The following FSTL4 variants were observed in gnomAD, a reference collection of about 807,000 sequenced individuals.
FSTL4 encodes the protein follistatin like 4.
In FSTL4, 28 loss-of-function variants were observed where a neutral mutation model predicts 78.2. That is an observed-to-expected ratio of 0.36 (90% confidence interval 0.27 to 0.49). FSTL4 has a LOEUF of 0.49. FSTL4 is among the 20% of genes least tolerant of loss of function. The pLI, the probability that FSTL4 is intolerant of heterozygous loss-of-function variation, is 0.98. For synonymous variants in FSTL4, 422 were observed against 440.5 expected (o/e 0.96, Z 0.53); for missense variants, 922 against 1,084.9 (o/e 0.85, Z 2.11).
intron 3 of FSTL4, among the ~76,000 whole-genome samples, chr5:133,542,056 C>G (rs1164706804): frequency 6.6e-6 from 1 of 152,066 alleles, no homozygotes; most frequent in Non-Finnish European, 1.5e-5. Context: ...CCTTTCCTAA[C>G]AGTGAAAAAC....
At chr5:133,820,036 G>T in the FSTL4 span, among the ~76,000 whole-genome samples, 3 of 152,122 alleles carry the variant, frequency 2.0e-5, no homozygotes, top group African/African-American at 7.2e-5. Flanking sequence ...CTCAAACTTG[G>T]GTCTTCTTGC....
At chr5:133,245,711 G>A (rs1328839967) in intron 7 of FSTL4, among the ~76,000 whole-genome samples, 2 of 152,180 alleles carry the variant, frequency 1.3e-5, no homozygotes, top group Non-Finnish European at 2.9e-5. Context: ...CCCCATGTAC[G>A]CCACCTGGAT....
At chr5:133,261,434 C>A (rs774039309) in intron 6 of FSTL4, among the ~76,000 whole-genome samples, 39 of 152,238 alleles carry the variant, frequency 2.6e-4, no homozygotes, top group East Asian at 1.9e-4. Context: ...GCCGAGAAGA[C>A]CCCAGAAAAC....
chr5:133,228,157 G>T (rs935093306), intron 8 of FSTL4, among the ~76,000 whole-genome samples: 2 of 152,158 alleles, frequency 1.3e-5, no homozygotes, highest in African/African-American at 4.8e-5. Flanking sequence ...AGCCCGGAAG[G>T]TTGAGGCTGT....
In FSTL4 at chr5:133,611,983, G is replaced by A. The variant is rs1326909665; in HGVS notation, c.-11+342C>T. Among the ~76,000 whole-genome samples the A allele has an allele frequency of 6.6e-6, 1 of 152,028 alleles. No individual in the cohort carries two copies. The highest frequency in any genetic ancestry group is 2.4e-5 in the African/African-American group (1 of 41,438). Reference sequence around the variant, plus strand: ...TTTCGGAGCCGGGCGCGAGCTGCGGGCTCGGCCCGAGCGCTTCTGCGTGGC... The same window carrying A: ...TTTCGGAGCCGGGCGCGAGCTGCGGACTCGGCCCGAGCGCTTCTGCGTGGC... On this transcript the variant is annotated intron_variant, in intron 1 of 15. Coordinates refer to ENST00000265342, the MANE Select transcript of FSTL4 (RefSeq NM_015082.2). This position sits in a 1 kb window ranked among gnomAD's most constrained non-coding sequence, Gnocchi z 4.9.
At chr5:133,234,467 T>G (rs1751596657) in intron 7 of FSTL4, among the ~76,000 whole-genome samples, 1 of 152,220 alleles carries the variant, frequency 6.6e-6, no homozygotes, top group Non-Finnish European at 1.5e-5. Flanking sequence ...ACTTGCCCAG[T>G]CAGCTGCATT....
chr5:133,721,569 C>CT, the FSTL4 span, among the ~76,000 whole-genome samples: 10 of 152,126 alleles, frequency 6.6e-5, no homozygotes, highest in East Asian at 1.2e-3. Flanking sequence ...GACTGACAGT[C>CT]TTTTTTTTCC....
Position 133,611,660 on chromosome 5 carries a change from T to C in FSTL4, c.-11+665A>G, listed in dbSNP as rs745475270. Among the ~76,000 whole-genome samples, 14 of 152,124 alleles carry C rather than the reference T, an allele frequency of 9.2e-5. No homozygotes were observed. Among genetic ancestry groups the C allele is most frequent in the Non-Finnish European group, 7.4e-5 (5 of 68,026 alleles). On this transcript the variant is annotated intron_variant, in intron 1 of 15. Transcript: ENST00000265342. This position sits in a 1 kb window ranked among gnomAD's most constrained non-coding sequence, Gnocchi z 4.9. ...CCGCTCACTCTGGACCGCGGCCGGCTACGCACAAGCAGCGCCGCAGGCTGC... is the reference window on the plus strand; with the variant it reads ...CCGCTCACTCTGGACCGCGGCCGGCCACGCACAAGCAGCGCCGCAGGCTGC...
the FSTL4 span, among the ~76,000 whole-genome samples, chr5:133,841,669 C>A: frequency 6.6e-6 from 1 of 152,294 alleles, no homozygotes; most frequent in Non-Finnish European, 1.5e-5. Flanking sequence ...TGCCCAGAGC[C>A]AACGCCACCC....
At chr5:133,288,474 T>C (rs1753187135) in intron 6 of FSTL4, among the ~76,000 whole-genome samples, 1 of 152,250 alleles carries the variant, frequency 6.6e-6, no homozygotes, top group African/African-American at 2.4e-5. Context: ...GGAGCGATGT[T>C]GCTGTTCATC....
chr5:133,278,236 C>G (rs1407750686), intron 6 of FSTL4, among the ~76,000 whole-genome samples: 1 of 152,160 alleles, frequency 6.6e-6, no homozygotes, highest in Non-Finnish European at 1.5e-5. Context: ...GCATCCTGTC[C>G]AGAGGCCTGT....
the FSTL4 span, among the ~76,000 whole-genome samples, chr5:133,828,896 A>G: frequency 6.6e-6 from 1 of 152,200 alleles, no homozygotes; most frequent in Non-Finnish European, 1.5e-5. Context: ...TGATGCTGTA[A>G]CTCAATTTGC....
chr5:133,360,480 T>C (rs1755044642), intron 4 of FSTL4, among the ~76,000 whole-genome samples: 1 of 139,428 alleles, frequency 7.2e-6, no homozygotes, highest in Non-Finnish European at 1.6e-5. Flanking sequence ...ATAATTTTTT[T>C]TTTTTTTTTT....
chr5:133,753,692 TGTGTG>T, the FSTL4 span, among the ~76,000 whole-genome samples: 5,170 of 102,828 alleles, frequency 0.05, 122 homozygotes, highest in Middle Eastern at 0.12. Context: ...TCTGTGTGTG[TGTGTG>T]TGTGTGTGTG....
chr5:133,836,000 C>T, the FSTL4 span, among the ~76,000 whole-genome samples: 1 of 152,094 alleles, frequency 6.6e-6, no homozygotes, highest in Admixed American at 6.5e-5. Flanking sequence ...ATACATTGTG[C>T]CTCCGATTAA....
In FSTL4 at chr5:133,225,998, A is replaced by G. The variant is rs182103273; in HGVS notation, c.1016-179T>C. ...CGCAAGCTCTAAAAGAAAGGGCTAT[A>G]AAATAGATTGCAGATAATAAACATG... On this transcript the variant is annotated intron_variant, in intron 8 of 15. Transcript: ENST00000265342. The surrounding 1 kb of genome is among the most constrained non-coding windows in gnomAD (Gnocchi z 4.6). 22 of 445,438 alleles carry G rather than the reference A, an allele frequency of 4.9e-5. No homozygotes were observed. The highest frequency in any genetic ancestry group is 4.4e-4 in the African/African-American group (22 of 50,140). The allele number at this position is 445,438 out of a possible 1,614,324, so 27.6% of individuals were successfully genotyped here. A position where few individuals can be genotyped will look rare whatever the true frequency, so the allele number is the denominator to read the frequency against.
At chr5:133,257,583 C>G (rs760726229) in intron 6 of FSTL4, among the ~76,000 whole-genome samples, 3 of 152,166 alleles carry the variant, frequency 2.0e-5, no homozygotes, top group Non-Finnish European at 2.9e-5. Flanking sequence ...GAGCAGAACT[C>G]AGTGCCCAGG....
At chr5:133,434,110 C>G (rs1756995072) in intron 3 of FSTL4, among the ~76,000 whole-genome samples, 1 of 151,854 alleles carries the variant, frequency 6.6e-6, no homozygotes, top group Non-Finnish European at 1.5e-5. Flanking sequence ...GGGAGGGAGA[C>G]CAATGGGAGG....
At chr5:133,723,359 G>A in the FSTL4 span, among the ~76,000 whole-genome samples, 2 of 152,308 alleles carry the variant, frequency 1.3e-5, no homozygotes, top group East Asian at 1.9e-4. Flanking sequence ...GAACATAGCT[G>A]TAGTTTGGGA....
Sources: gnomAD v4.1 joint callset for allele counts (sites outside exome capture counted in the v4.1 genomes callset) on GRCh38, gnomAD v4.1.1 for gene constraint, Gnocchi (gnomAD v3.1) non-coding constraint, MANE v1.5 for transcripts, NCBI Gene and HGNC (gene_info 2026-07-23, HGNC 2026-07-21) for gene names.